Variants in MARCHF11 observed in about 807,000 individuals in gnomAD.
MARCHF11 encodes the protein membrane associated ring-CH-type finger 11.
In MARCHF11, 29 loss-of-function variants were observed where a neutral mutation model predicts 37.3. The ratio of observed to expected loss-of-function variants is 0.78; its 90% CI spans 0.58 to 1.06. MARCHF11 has a LOEUF of 1.06. Among genes scored for constraint, MARCHF11 ranks in the 50% least tolerant of loss-of-function variants. The pLI is 0.00. For synonymous variants in MARCHF11, 233 were observed against 228.0 expected (o/e 1.02, Z -0.20); for missense variants, 482 against 533.4 (o/e 0.90, Z 0.95).
rs530897925 is a variant in MARCHF11 at position 16,116,312 on chromosome 5, G to A, written c.694-25231C>T. Among the ~76,000 whole-genome samples, 9 of 152,182 alleles carry A rather than the reference G, an allele frequency of 5.9e-5. No individual in the cohort carries two copies. The South Asian group carries it at 1.9e-3, about 32-fold the overall frequency. ...ACCACACTTCAGTGCCAGGGCCCAA[G>A]GGATTCTCTCTCCCCAGGAAATAGA... is the stretch of plus-strand genomic sequence containing the variant. On this transcript the variant is annotated intron_variant, in intron 2 of 3. Transcript: ENST00000332432.
intron 2 of MARCHF11, among the ~76,000 whole-genome samples, chr5:16,123,828 T>C (rs183101540): frequency 1.4e-3 from 216 of 152,310 alleles, no homozygotes; most frequent in African/African-American, 5.0e-3. Context: ...TCCCTTGCTA[T>C]ATTAAATATA....
chr5:16,166,129 C>T (rs1280859424), intron 2 of MARCHF11, among the ~76,000 whole-genome samples: 1 of 152,074 alleles, frequency 6.6e-6, no homozygotes, highest in African/African-American at 2.4e-5. Context: ...TAGTCACTGG[C>T]GGTTCTTCCA....
Position 16,179,484 on chromosome 5 carries a change from G to A in MARCHF11, c.92C>T (p.Pro31Leu). The change falls in exon 1 of 4, where the codon CCG becomes CTG. Residue 31 changes from proline to leucine, a missense_variant. By Grantham distance (98) the Pro-to-Leu change is moderately conservative (BLOSUM62 -3). Transcript: ENST00000332432. Reference sequence around the variant, plus strand: ...CGGCTCTCCCGGCGGCGGCGTCGGCGGCGGCGGCGGGGGAGGTTGCGGGGG... The same window carrying A: ...CGGCTCTCCCGGCGGCGGCGTCGGCAGCGGCGGCGGGGGAGGTTGCGGGGG... The part of the protein sequence containing the change: ...EPPPQPPPPP[P>L]PTPPPGEPAP... The A allele has an allele frequency of 2.6e-6, 3 of 1,147,960 alleles. No individual in the cohort carries two copies. Among genetic ancestry groups the A allele is most frequent in the Non-Finnish European group, 2.1e-6 (2 of 935,050 alleles). 71.1% of individuals were successfully genotyped at this position (1,147,960 alleles called of 1,614,324 possible).
chr5:16,082,708 C>A (rs1490493553), intron 3 of MARCHF11, among the ~76,000 whole-genome samples: 1 of 152,104 alleles, frequency 6.6e-6, no homozygotes, highest in Non-Finnish European at 1.5e-5. Context: ...GATATGAAGT[C>A]TCCAAAAGGA....
At chr5:16,147,659 A>C (rs1737821731) in intron 2 of MARCHF11, among the ~76,000 whole-genome samples, 1 of 147,782 alleles carries the variant, frequency 6.8e-6, no homozygotes, top group Non-Finnish European at 1.5e-5. Context: ...GATTTCTCAG[A>C]TATGTTGAAT....
At chr5:16,073,377 A>C (rs142838108) in intron 3 of MARCHF11, among the ~76,000 whole-genome samples, 75 of 152,224 alleles carry the variant, frequency 4.9e-4, no homozygotes, top group African/African-American at 1.7e-3. Flanking sequence ...CCCAAACTTA[A>C]ATGTCCAGGA....
chr5:16,113,379 A>G (rs1737179510), intron 2 of MARCHF11, among the ~76,000 whole-genome samples: 1 of 152,238 alleles, frequency 6.6e-6, no homozygotes, highest in Non-Finnish European at 1.5e-5. Context: ...ACTAGTGATC[A>G]CACGAAAAGT....
At chr5:16,170,473 T>C (rs1216797864) in intron 2 of MARCHF11, among the ~76,000 whole-genome samples, 1 of 152,146 alleles carries the variant, frequency 6.6e-6, no homozygotes, top group African/African-American at 2.4e-5. Flanking sequence ...CCAGGCAACT[T>C]GAGAATAGCA....
chr5:16,094,281 C>T (rs1012293471), intron 2 of MARCHF11, among the ~76,000 whole-genome samples: 1 of 152,168 alleles, frequency 6.6e-6, no homozygotes, highest in African/African-American at 2.4e-5. Context: ...GGAGGGTGTG[C>T]ATTATCTAAT....
intron 3 of MARCHF11, 133 bp from the exon 4 acceptor site, chr5:16,067,926 A>G (rs1736377082): frequency 1.2e-6 from 1 of 806,784 alleles, no homozygotes; most frequent in Admixed American, 2.9e-5. Context: ...TATTCTGTTT[A>G]CTCAAATATT....
At chr5:16,124,319 G>A (rs779829036) in intron 2 of MARCHF11, among the ~76,000 whole-genome samples, 3 of 152,156 alleles carry the variant, frequency 2.0e-5, no homozygotes, top group East Asian at 1.9e-4. Context: ...CAAGAAGGAC[G>A]AGGCAGGACT....
chr5:16,169,273 C>T (rs565696551), intron 2 of MARCHF11, among the ~76,000 whole-genome samples: 12 of 151,934 alleles, frequency 7.9e-5, no homozygotes, highest in Non-Finnish European at 1.6e-4. Context: ...ATCCTCCTCA[C>T]CCCCGACACC....
chr5:16,148,691 C>T (rs772058692), intron 2 of MARCHF11, among the ~76,000 whole-genome samples: 34 of 152,104 alleles, frequency 2.2e-4, no homozygotes, highest in Non-Finnish European at 3.2e-4. Flanking sequence ...ACAACTCTTG[C>T]CCTCCATTAT....
intron 3 of MARCHF11, among the ~76,000 whole-genome samples, chr5:16,081,465 A>G (rs1482331199): frequency 1.3e-5 from 2 of 152,222 alleles, no homozygotes; most frequent in African/African-American, 4.8e-5. Context: ...AATGTATTCA[A>G]CCATTTAAAA....
intron 2 of MARCHF11, among the ~76,000 whole-genome samples, chr5:16,151,320 C>G (rs1490256103): frequency 3.3e-5 from 5 of 152,026 alleles, no homozygotes; most frequent in Admixed American, 2.6e-4. Flanking sequence ...ACAAACAAGA[C>G]TAAAATCAAT....
chr5:16,136,665 G>T (rs1385384246), intron 2 of MARCHF11, among the ~76,000 whole-genome samples: 1 of 152,120 alleles, frequency 6.6e-6, no homozygotes, highest in Non-Finnish European at 1.5e-5. Flanking sequence ...GAGAAGTGGA[G>T]AATGAAGTAC....
chr5:16,086,617 C>T (rs552642466), intron 3 of MARCHF11, among the ~76,000 whole-genome samples: 6 of 152,280 alleles, frequency 3.9e-5, no homozygotes, highest in South Asian at 4.1e-4. Flanking sequence ...ATACCACTGA[C>T]GATAACAGAG....
chr5:16,161,632 T>TC lies in MARCHF11; in HGVS notation c.693+16093dup, dbSNP rs1738078964. 2.0e-5 allele frequency among the ~76,000 whole-genome samples: 3 copies of TC among 151,966 alleles called. No homozygotes were observed. The South Asian group carries it at 6.2e-4, about 32-fold the overall frequency. On this transcript the variant is annotated intron_variant, in intron 2 of 3. Coordinates refer to ENST00000332432, the MANE Select transcript of MARCHF11 (RefSeq NM_001102562.3). The stretch of plus-strand genomic sequence containing the variant: ...GGCAAAGATTCAAAAAATACTGGCT[T>TC]CCCAGCATCTTACCACACTGATAAA...
intron 2 of MARCHF11, among the ~76,000 whole-genome samples, chr5:16,145,626 C>T (rs1737784200): frequency 6.6e-6 from 1 of 151,906 alleles, no homozygotes; most frequent in Non-Finnish European, 1.5e-5. Flanking sequence ...TATATGTATG[C>T]TATATAATAG....
Sources: gnomAD v4.1 joint callset for allele counts (sites outside exome capture counted in the v4.1 genomes callset) on GRCh38, gnomAD v4.1.1 for gene constraint, MANE v1.5 for transcripts, NCBI Gene and HGNC (gene_info 2026-07-23, HGNC 2026-07-21) for gene names.